The following RBM14 variants were observed in gnomAD, a reference collection of about 807,000 sequenced individuals.
RBM14 encodes RNA binding motif protein 14, also known as RNA-binding protein 14.
Under a neutral mutation model 52.8 loss-of-function variants are expected in RBM14, and 5 were observed. That is an observed-to-expected ratio of 0.09 (90% CI 0.05 to 0.20). The LOEUF (loss-of-function observed/expected upper bound fraction) is 0.20, where lower values mean the gene tolerates loss of function less well. RBM14 is among the 10% of genes least tolerant of loss of function. The pLI, the probability that RBM14 is intolerant of heterozygous loss-of-function variation, is 1.00. For synonymous variants in RBM14, 411 were observed against 401.8 expected (o/e 1.02, Z -0.28); for missense variants, 780 against 926.6 (o/e 0.84, Z 2.05).
At position 66,616,690 on chromosome 11, in the gene RBM14, G is replaced by C. The variant is rs1858850057; in HGVS notation, c.-31G>C. 2.6e-6 allele frequency: 4 copies of C among 1,564,128 alleles called. No individual in the cohort carries two copies. The highest frequency in any genetic ancestry group is 3.5e-6 in the Non-Finnish European group (4 of 1,149,358). On this transcript the variant is annotated 5_prime_UTR_variant, in exon 1 of 3. Transcript: ENST00000310137. ...TGCCTGTCGCTGGAGGAGAGGTCCG[G>C]GCTCTCCAGGAAGGTGGCTGCGGCG...
Position 66,629,280 on chromosome 11 carries a change from C to T in RBM14, c.*2612C>T, listed in dbSNP as rs1590851729. On this transcript the variant is annotated 3_prime_UTR_variant, in exon 3 of 3. Transcript: ENST00000310137. Reference sequence around the variant, plus strand: ...GATTATTCAGCTTCTCCACCTATCACCTCTACAACTTGGCCTTCATTGGAG... The same window carrying T: ...GATTATTCAGCTTCTCCACCTATCATCTCTACAACTTGGCCTTCATTGGAG... 6.6e-6 allele frequency among the ~76,000 whole-genome samples: 1 copy of T among 152,344 alleles called. No individual in the cohort carries two copies. The highest frequency in any genetic ancestry group is 2.4e-5 in the African/African-American group (1 of 41,570).
In RBM14 at chr11:66,616,741, C is replaced by G; in HGVS notation, c.21C>G (p.Asn7Lys). The G allele has an allele frequency of 6.3e-7, 1 of 1,595,114 alleles. No individual in the cohort carries two copies. Among genetic ancestry groups the G allele is most frequent in the Non-Finnish European group, 8.6e-7 (1 of 1,166,100 alleles). The change falls in exon 1 of 3, where the codon AAC (asparagine) becomes AAG (lysine). Residue 7 changes from asparagine to lysine, a missense_variant. Physicochemically the swap from Asn to Lys is moderately conservative, Grantham distance 94 (BLOSUM62 0). This residue lies in a region of RBM14 where 71 missense variants were observed against 119.2 expected (regional missense o/e 0.60). Coordinates refer to ENST00000310137, the MANE Select transcript of RBM14 (RefSeq NM_006328.4). ...ACAAAATGAAGATATTCGTGGGCAACGTCGACGGGGCGGATACGACTCCGG... is the reference window on the plus strand; with the variant it reads ...ACAAAATGAAGATATTCGTGGGCAAGGTCGACGGGGCGGATACGACTCCGG... MKIFVG[N>K]VDGADTTPEE...
intron 1 of RBM14, 62 bp downstream of exon 1, chr11:66,617,119 C>G: frequency 6.6e-7 from 1 of 1,522,618 alleles, no homozygotes; most frequent in Non-Finnish European, 8.8e-7. Context: ...GTTAGCCACG[C>G]CCCTTACCCG....
At chr11:66,617,121 C>G in intron 1 of RBM14, 64 bp downstream of exon 1, 1 of 1,521,648 alleles carries the variant, frequency 6.6e-7, no homozygotes, top group South Asian at 1.3e-5. Context: ...TAGCCACGCC[C>G]CTTACCCGGG....
At position 66,629,805 on chromosome 11, in the gene RBM14, G is replaced by A. The variant is rs899732524; in HGVS notation, c.*3137G>A. On this transcript the variant is annotated 3_prime_UTR_variant, in exon 3 of 3. Coordinates refer to ENST00000310137, the MANE Select transcript of RBM14 (RefSeq NM_006328.4). Reference sequence around the variant, plus strand: ...AGTGCTTCAAATGTGGCCAGGTGTGGTAGCTCACACCTGTAATTCCCAGCG... The same window carrying A: ...AGTGCTTCAAATGTGGCCAGGTGTGATAGCTCACACCTGTAATTCCCAGCG... Among the ~76,000 whole-genome samples, 1 of 152,072 alleles carries A rather than the reference G, an allele frequency of 6.6e-6. No homozygotes were observed. The highest frequency in any genetic ancestry group is 2.4e-5 in the African/African-American group (1 of 41,396).
chr11:66,622,881 AAG>A (rs1375187711), intron 1 of RBM14, among the ~76,000 whole-genome samples: 3 of 152,336 alleles, frequency 2.0e-5, no homozygotes, highest in Admixed American at 6.5e-5. Context: ...GATGCTATCT[AAG>A]AGTAGCCACA....
intron 1 of RBM14, chr11:66,617,522 C>T (rs980440865): frequency 5.0e-6 from 5 of 994,588 alleles, no homozygotes; most frequent in East Asian, 2.2e-4. Flanking sequence ...CCCTCCTGTT[C>T]CCTCCCGATG....
At chr11:66,621,908 G>C (rs963180561) in intron 1 of RBM14, among the ~76,000 whole-genome samples, 5 of 151,908 alleles carry the variant, frequency 3.3e-5, no homozygotes, top group Non-Finnish European at 5.9e-5. Flanking sequence ...GGAAATACAT[G>C]GTAAGTTTCT....
intron 1 of RBM14, chr11:66,618,387 G>A: frequency 1.5e-6 from 1 of 654,148 alleles, no homozygotes; most frequent in Non-Finnish European, 2.9e-6. Flanking sequence ...ACATGTTTGG[G>A]GCCATTCCTA....
chr11:66,621,424 C>A (rs1455112496), intron 1 of RBM14, among the ~76,000 whole-genome samples: 1 of 151,676 alleles, frequency 6.6e-6, no homozygotes, highest in Non-Finnish European at 1.5e-5. Flanking sequence ...TTTGCCCAGG[C>A]TGGAGTACAG....
chr11:66,625,477 C>T lies in RBM14; in HGVS notation c.1601C>T (p.Pro534Leu), dbSNP rs746462903. 1.2e-6 allele frequency: 2 copies of T among 1,613,392 alleles called. No homozygotes were observed. The highest frequency in any genetic ancestry group is 1.7e-6 in the Non-Finnish European group (2 of 1,179,814). Residue 534 changes from proline to leucine, a missense_variant, in exon 2 of 3, where the codon CCC (proline) becomes CTC (leucine). Around this residue, in one of 4 missense-constraint regions of RBM14, gnomAD observed 675 missense variants for 697.3 expected, o/e 0.97. Transcript: ENST00000310137. The surrounding 1 kb of genome is among the most constrained non-coding windows in gnomAD (Gnocchi z 4.2). ...GCTTCCTATGCTGCCCAGCAGCATC[C>T]CCAGGCTGCTGCCTCCTACCGCGGC... Reference protein sequence around the residue: ...LAASYAAQQHPQAAASYRGQP... With the variant: ...LAASYAAQQHLQAAASYRGQP...
At position 66,625,901 on chromosome 11, in the gene RBM14, G is replaced by A. The variant is rs1937782920; in HGVS notation, c.1802+223G>A. 6.6e-6 allele frequency among the ~76,000 whole-genome samples: 1 copy of A among 152,218 alleles called. No individual in the cohort carries two copies. ...GCCTGGGGTGGTACCTGCTAGTCAG[G>A]CCAGGCACAGTGTCACCTGTCTAGG... On this transcript the variant is annotated intron_variant, in intron 2 of 2. Transcript: ENST00000310137. The surrounding 1 kb of genome is among the most constrained non-coding windows in gnomAD (Gnocchi z 4.2).
intron 1 of RBM14, among the ~76,000 whole-genome samples, chr11:66,618,753 C>A (rs548598220): frequency 8.3e-4 from 126 of 152,254 alleles, no homozygotes; most frequent in Non-Finnish European, 1.3e-3. Flanking sequence ...AGTCAAACAT[C>A]TGAAGGGACA....
At chr11:66,617,648 C>A (rs190427923) in intron 1 of RBM14, 31 of 838,162 alleles carry the variant, frequency 3.7e-5, no homozygotes, top group Non-Finnish European at 4.5e-5. Flanking sequence ...ACGAGAGGGG[C>A]CCCTTCCGAA....
At chr11:66,623,338 C>T (rs1407668075) in intron 1 of RBM14, among the ~76,000 whole-genome samples, 1 of 152,216 alleles carries the variant, frequency 6.6e-6, no homozygotes, top group East Asian at 1.9e-4. Flanking sequence ...TCCCATACCT[C>T]ATTGGCTTAC....
In RBM14 at chr11:66,625,547, C is replaced by T. The variant is rs751150150; in HGVS notation, c.1671C>T (p.Ala557=). Residue 557 remains alanine (A), a synonymous_variant, in exon 2 of 3, where the codon GCC becomes GCT. Transcript: ENST00000310137. The surrounding 1 kb of genome is among the most constrained non-coding windows in gnomAD (Gnocchi z 4.2). ...ATGGGGCAGGTCAGCCGTCTGCAGCCTACCTGTCCATGTCCCAGGGGGCCG... is the reference window on the plus strand; with the variant it reads ...ATGGGGCAGGTCAGCCGTCTGCAGCTTACCTGTCCATGTCCCAGGGGGCCG... ...AYDGAGQPSA[A]YLSMSQGAVA... 4 of 1,612,806 alleles carry T rather than the reference C, an allele frequency of 2.5e-6. No homozygotes were observed. In the South Asian group the frequency reaches 4.4e-5, roughly 18 times the overall value.
rs755377469 is a variant in RBM14, at chr11:66,624,012, G to A, written c.338-202G>A. 2 of 887,720 alleles carry A rather than the reference G, an allele frequency of 2.3e-6. No individual in the cohort carries two copies. The highest frequency in any genetic ancestry group is 1.8e-6 in the Non-Finnish European group (1 of 541,090). The allele number at this position is 887,720 out of a possible 1,614,324, so 55.0% of individuals were successfully genotyped here. On this transcript the variant is annotated intron_variant, in intron 1 of 2. Transcript: ENST00000310137. The surrounding 1 kb of genome is among the most constrained non-coding windows in gnomAD (Gnocchi z 4.7). ...TAAAGGGGAGAATGGGAAGAAGGCT[G>A]TAGGCAAAGATGACTGCTTGGGACA... is the stretch of plus-strand genomic sequence containing the variant.
chr11:66,617,261 G>A, intron 1 of RBM14: 4 of 1,387,116 alleles, frequency 2.9e-6, no homozygotes, highest in African/African-American at 1.5e-5. Context: ...AGGAGGAAGC[G>A]GCTCTGGGTG....
intron 1 of RBM14, among the ~76,000 whole-genome samples, chr11:66,622,206 G>A (rs1239947792): frequency 6.6e-6 from 1 of 151,040 alleles, no homozygotes; most frequent in East Asian, 1.9e-4. Context: ...GTGAGCCACC[G>A]TGCTTGGCTA....
Sources: allele counts gnomAD v4.1 joint callset (sites outside exome capture counted in the v4.1 genomes callset), GRCh38; gene constraint gnomAD v4.1.1; regional missense constraint gnomAD v4.1.1; non-coding constraint Gnocchi (gnomAD v3.1); transcripts MANE v1.5; gene names NCBI Gene and HGNC (gene_info 2026-07-23, HGNC 2026-07-21).